The following PYGO1 variants were observed in gnomAD, a reference collection of about 807,000 sequenced individuals.
PYGO1 encodes pygopus homolog 1.
In PYGO1, 6 loss-of-function variants were observed where a neutral mutation model predicts 29.5. The ratio of observed to expected loss-of-function variants is 0.20; its 90% CI spans 0.11 to 0.40. PYGO1 has a LOEUF of 0.40. Ranked by LOEUF, PYGO1 falls within the 10% of genes least tolerant of loss-of-function variation. The pLI is 1.00. For synonymous variants in PYGO1, 186 were observed against 180.5 expected (o/e 1.03, Z -0.24); for missense variants, 515 against 514.9 (o/e 1.00, Z 0.00).
At chr15:55,552,585 A>G (rs2058884302) in intron 1 of PYGO1, among the ~76,000 whole-genome samples, 1 of 151,986 alleles carries the variant, frequency 6.6e-6, no homozygotes, top group Admixed American at 6.6e-5. Flanking sequence ...CCCCACCTCC[A>G]GCCAAGGGAA....
At chr15:55,575,763 C>T (rs1307801883) in intron 1 of PYGO1, among the ~76,000 whole-genome samples, 5 of 152,162 alleles carry the variant, frequency 3.3e-5, no homozygotes, top group Non-Finnish European at 7.3e-5. Context: ...TCCTCAGAGA[C>T]ACCTGCACCA....
intron 1 of PYGO1, among the ~76,000 whole-genome samples, chr15:55,580,262 G>A (rs2059020021): frequency 1.3e-5 from 2 of 152,098 alleles, no homozygotes; most frequent in African/African-American, 4.8e-5. Flanking sequence ...AAACCTCAGA[G>A]TTTTCTGCTT....
At chr15:55,557,853 G>A (rs996321007) in intron 1 of PYGO1, among the ~76,000 whole-genome samples, 1 of 152,042 alleles carries the variant, frequency 6.6e-6, no homozygotes, top group African/African-American at 2.4e-5. Flanking sequence ...CAAAATAATA[G>A]GAGCTATTTA....
chr15:55,553,962 A>C (rs1023245740), intron 1 of PYGO1, among the ~76,000 whole-genome samples: 6 of 151,914 alleles, frequency 3.9e-5, no homozygotes, highest in Non-Finnish European at 5.9e-5. Flanking sequence ...GTTAAAAGAA[A>C]AACAAACAAA....
rs2058835907 is a variant in PYGO1 at position 55,543,280 on chromosome 15, G to A, written c.*2743C>T. The stretch of plus-strand genomic sequence containing the variant: ...AAATTATCATCTGGCTATTCTTACA[G>A]TTCATCACTTATTCCATCCAAAAGC... On this transcript the variant is annotated 3_prime_UTR_variant, in exon 3 of 3. Transcript: ENST00000563719. 1 of 152,158 alleles carries A rather than the reference G, an allele frequency of 6.6e-6. No individual in the cohort carries two copies. The highest frequency in any genetic ancestry group is 1.5e-5 in the Non-Finnish European group (1 of 68,028). The allele number at this position is 152,158 out of a possible 1,614,324, so 9.4% of individuals were successfully genotyped here.
chr15:55,559,200 C>A (rs1383856078), intron 1 of PYGO1, among the ~76,000 whole-genome samples: 1 of 152,166 alleles, frequency 6.6e-6, no homozygotes, highest in Admixed American at 6.6e-5. Flanking sequence ...CAAAAGAAGA[C>A]ACTATGCAGC....
intron 1 of PYGO1, among the ~76,000 whole-genome samples, chr15:55,584,099 G>A (rs901253164): frequency 2.8e-5 from 4 of 143,570 alleles, no homozygotes; most frequent in Non-Finnish European, 4.5e-5. Flanking sequence ...GAAGACAGGT[G>A]TCATACCTTT....
rs1220856328 is a variant in PYGO1 at position 55,543,897 on chromosome 15, T to C, written c.*2126A>G. 6.6e-6 allele frequency: 1 copy of C among 152,150 alleles called. No homozygotes were observed. Among genetic ancestry groups the C allele is most frequent in the Non-Finnish European group, 1.5e-5 (1 of 68,010 alleles). The allele number at this position is 152,150 out of a possible 1,614,324, so 9.4% of individuals were successfully genotyped here. On this transcript the variant is annotated 3_prime_UTR_variant, in exon 3 of 3. Transcript: ENST00000563719. ...AGCAACATAACTAGGTCCTTAAACA[T>C]TTAGAGAAATATGTATAATAAAAAA...
intron 1 of PYGO1, among the ~76,000 whole-genome samples, chr15:55,574,051 CTT>C (rs1160402376): frequency 5.9e-5 from 9 of 152,116 alleles, no homozygotes; most frequent in Non-Finnish European, 1.2e-4. Flanking sequence ...TTTTCTGTTT[CTT>C]GGGAGCACTT....
intron 1 of PYGO1, among the ~76,000 whole-genome samples, chr15:55,561,517 T>C (rs1470866642): frequency 3.3e-5 from 5 of 152,100 alleles, no homozygotes; most frequent in Non-Finnish European, 7.4e-5. Context: ...CAAACACTTA[T>C]AAAACCATCA....
intron 1 of PYGO1, among the ~76,000 whole-genome samples, chr15:55,567,835 C>T (rs1333658571): frequency 2.6e-5 from 4 of 152,130 alleles, no homozygotes; most frequent in East Asian, 1.9e-4. Flanking sequence ...GCTATCCCAG[C>T]GCCATTTACT....
chr15:55,560,305 C>A (rs942447276), intron 1 of PYGO1, among the ~76,000 whole-genome samples: 3 of 152,156 alleles, frequency 2.0e-5, no homozygotes, highest in African/African-American at 7.2e-5. Flanking sequence ...TCAAAAGCTT[C>A]TTAAGCTGAT....
chr15:55,576,195 G>T (rs1157063547), intron 1 of PYGO1, among the ~76,000 whole-genome samples: 1 of 151,864 alleles, frequency 6.6e-6, no homozygotes, highest in Admixed American at 6.6e-5. Flanking sequence ...GGTGGCTCAC[G>T]TCTGTAATCC....
chr15:55,569,328 G>C (rs1402076014), intron 1 of PYGO1, among the ~76,000 whole-genome samples: 1 of 151,572 alleles, frequency 6.6e-6, no homozygotes, highest in African/African-American at 2.4e-5. Context: ...TGCTAGCCTT[G>C]AGATTAGTTT....
chr15:55,564,414 A>C (rs1417291877), intron 1 of PYGO1, among the ~76,000 whole-genome samples: 2 of 152,210 alleles, frequency 1.3e-5, no homozygotes, highest in African/African-American at 4.8e-5. Flanking sequence ...ACCACTAGGA[A>C]AGGGAGGAAA....
chr15:55,580,171 A>C (rs532410356), intron 1 of PYGO1, among the ~76,000 whole-genome samples: 2 of 152,346 alleles, frequency 1.3e-5, no homozygotes, highest in Non-Finnish European at 2.9e-5. Context: ...AAAACTCAGA[A>C]ATCATGGGGA....
chr15:55,552,362 A>AG (rs2058883015), intron 1 of PYGO1, among the ~76,000 whole-genome samples: 1 of 93,510 alleles, frequency 1.1e-5, no homozygotes. Context: ...CTCTGTCTCC[A>AG]AAAAAAAAAA....
intron 1 of PYGO1, among the ~76,000 whole-genome samples, chr15:55,575,111 G>A (rs1010888114): frequency 2.6e-5 from 4 of 152,188 alleles, no homozygotes; most frequent in African/African-American, 9.6e-5. Flanking sequence ...AGGTCACAGA[G>A]TTGTGTCTTT....
intron 1 of PYGO1, among the ~76,000 whole-genome samples, chr15:55,558,600 C>G (rs953383138): frequency 6.6e-6 from 1 of 152,030 alleles, no homozygotes; most frequent in African/African-American, 2.4e-5. Flanking sequence ...TCAAACTACA[C>G]TACAAGGCTA....
Sources: allele counts gnomAD v4.1 joint callset (sites outside exome capture counted in the v4.1 genomes callset), GRCh38; gene constraint gnomAD v4.1.1; transcripts MANE v1.5; gene names NCBI Gene and HGNC (gene_info 2026-07-23, HGNC 2026-07-21).